The following SLC35F1 variants were observed in gnomAD, a reference collection of about 807,000 sequenced individuals.
SLC35F1 encodes chromosome 6 open reading frame 169.
SLC35F1 carries 14 observed loss-of-function variants against 48.7 expected under a neutral mutation model. The observed-to-expected ratio is 0.29, with a 90% CI of 0.19 to 0.45. SLC35F1 has a LOEUF of 0.45. SLC35F1 is among the 20% of genes least tolerant of loss of function. The pLI, the probability that SLC35F1 is intolerant of heterozygous loss-of-function variation, is 1.00. For synonymous variants in SLC35F1, 190 were observed against 202.2 expected, an observed-to-expected ratio of 0.94 and a Z score of 0.51; for missense variants, 404 against 500.0, an observed-to-expected ratio of 0.81 and a Z score of 1.83.
rs556015055 is a variant in SLC35F1 at position 118,164,502 on chromosome 6, T to G, written c.349+9882T>G. The stretch of plus-strand genomic sequence containing the variant: ...AGTCATTGAGTCACCCTAATGAGTA[T>G]CTATAATTTGTCTGTGCTGTATTTC... On this transcript the variant is annotated intron_variant, in intron 2 of 7. Transcript: ENST00000360388. Among the ~76,000 whole-genome samples the G allele has an allele frequency of 1.1e-4, 17 of 152,322 alleles. No individual in the cohort carries two copies. In the South Asian group the frequency reaches 3.3e-3, roughly 30 times the overall value.
intron 2 of SLC35F1, among the ~76,000 whole-genome samples, chr6:118,159,220 C>CAA (rs60060945): frequency 0.02 from 864 of 43,832 alleles, 151 homozygotes; most frequent in Middle Eastern, 0.026. Flanking sequence ...GACTCTGTCT[C>CAA]AAAAAAAAAA....
chr6:118,015,877 T>C (rs906907634), intron 1 of SLC35F1, among the ~76,000 whole-genome samples: 1 of 152,208 alleles, frequency 6.6e-6, no homozygotes, highest in African/African-American at 2.4e-5. Context: ...GGTAAATCCT[T>C]GTATTTGGCA....
At chr6:118,174,767 C>T (rs1266274472) in intron 2 of SLC35F1, among the ~76,000 whole-genome samples, 1 of 150,634 alleles carries the variant, frequency 6.6e-6, no homozygotes, top group East Asian at 1.9e-4. Context: ...TTCTAAAAAA[C>T]AAAAAGAAAA....
intron 4 of SLC35F1, among the ~76,000 whole-genome samples, chr6:118,270,674 T>C (rs1217057674): frequency 1.3e-5 from 2 of 152,222 alleles, no homozygotes; most frequent in African/African-American, 4.8e-5. Flanking sequence ...CTTGGCTCCA[T>C]GTCAGCAGTA....
At chr6:118,109,473 AT>A (rs1313816599) in intron 1 of SLC35F1, among the ~76,000 whole-genome samples, 1 of 152,176 alleles carries the variant, frequency 6.6e-6, no homozygotes, top group Non-Finnish European at 1.5e-5. Flanking sequence ...ACTTCAGCTG[AT>A]AACTATCTAG....
intron 1 of SLC35F1, among the ~76,000 whole-genome samples, chr6:118,029,113 T>C (rs950932726): frequency 2.8e-4 from 36 of 127,358 alleles, no homozygotes. Flanking sequence ...AGAGGTAGCA[T>C]GTAAACAGAT....
rs202065600 is a variant in SLC35F1, at chr6:118,112,082, C to CTTTCTTTTCTTTTCT, written c.174-42314_174-42300dup. Among the ~76,000 whole-genome samples, 414 of 131,776 alleles carry CTTTCTTTTCTTTTCT rather than the reference C, an allele frequency of 3.1e-3. 5 individuals are homozygous for CTTTCTTTTCTTTTCT. The highest frequency in any genetic ancestry group is 9.6e-3 in the African/African-American group (336 of 34,970). The allele number at this position is 131,776 out of a possible 152,430, so 86.5% of individuals were successfully genotyped here. On this transcript the variant is annotated intron_variant, in intron 1 of 7. Coordinates refer to ENST00000360388, the MANE Select transcript of SLC35F1 (RefSeq NM_001029858.4). ...TTTCTTTCTTTCTTTTTCTTTATTT[C>CTTTCTTTTCTTTTCT]TTTCTTTTCTTTTCTTTTCTTTTCT...
intron 1 of SLC35F1, among the ~76,000 whole-genome samples, chr6:118,023,317 T>G (rs768024014): frequency 6.6e-6 from 1 of 152,008 alleles, no homozygotes; most frequent in Non-Finnish European, 1.5e-5. Context: ...TTCAAGATGG[T>G]GACAACAAAG....
chr6:118,213,924 G>C (rs1253697025), intron 2 of SLC35F1, among the ~76,000 whole-genome samples: 1 of 152,130 alleles, frequency 6.6e-6, no homozygotes, highest in African/African-American at 2.4e-5. Flanking sequence ...ACTTGACATG[G>C]AGTGTTTTAC....
At chr6:118,173,111 A>G (rs1437875469) in intron 2 of SLC35F1, among the ~76,000 whole-genome samples, 2 of 152,108 alleles carry the variant, frequency 1.3e-5, no homozygotes, top group African/African-American at 4.8e-5. Context: ...TACAGATGAG[A>G]CTCAGAGAGG....
In SLC35F1 at chr6:118,048,808, A is replaced by G. The variant is rs184315828; in HGVS notation, c.174-105637A>G. Among the ~76,000 whole-genome samples, 191 of 152,338 alleles carry G rather than the reference A, an allele frequency of 1.3e-3. 4 individuals are homozygous for G. The highest frequency in any genetic ancestry group is 7.3e-5 in the Non-Finnish European group (5 of 68,030). ...ACTGCCCAAGGCAATTTATAGATTC[A>G]ATGCCATCCCCATCAAGCTACCAAT... On this transcript the variant is annotated intron_variant, in intron 1 of 7. Coordinates refer to ENST00000360388, the MANE Select transcript of SLC35F1 (RefSeq NM_001029858.4).
At chr6:118,069,115 A>G (rs9398481) in intron 1 of SLC35F1, among the ~76,000 whole-genome samples, 147,883 of 152,256 alleles carry the variant, frequency 0.97, 71,962 homozygotes, top group East Asian at 1. Context: ...GTGGTTTTTA[A>G]TTATTATTTC....
At chr6:118,313,937 A>C (rs112163302) in intron 7 of SLC35F1, 91 bp from the exon 8 acceptor site, 30 of 1,164,300 alleles carry the variant, frequency 2.6e-5, no homozygotes, top group African/African-American at 1.5e-4. Flanking sequence ...TTCTGAGAAG[A>C]AGCAGCTCTG....
At chr6:117,971,270 A>G (rs914966318) in intron 1 of SLC35F1, among the ~76,000 whole-genome samples, 3 of 152,216 alleles carry the variant, frequency 2.0e-5, no homozygotes, top group Admixed American at 6.5e-5. Flanking sequence ...TCCATGTCTC[A>G]TATCCAGGTC....
At chr6:118,114,045 A>G (rs1478993653) in intron 1 of SLC35F1, among the ~76,000 whole-genome samples, 2 of 152,186 alleles carry the variant, frequency 1.3e-5, no homozygotes, top group Admixed American at 1.3e-4. Flanking sequence ...AACTCAAATA[A>G]AGCCCTTCTA....
chr6:118,056,582 G>A (rs1233956218), intron 1 of SLC35F1, among the ~76,000 whole-genome samples: 2 of 152,184 alleles, frequency 1.3e-5, no homozygotes, highest in African/African-American at 4.8e-5. Flanking sequence ...AGGCCAGACA[G>A]TTCTTCAACT....
At chr6:118,091,866 G>T (rs1015828621) in intron 1 of SLC35F1, among the ~76,000 whole-genome samples, 1 of 152,304 alleles carries the variant, frequency 6.6e-6, no homozygotes, top group Middle Eastern at 3.4e-3. Flanking sequence ...TGAGGAACTT[G>T]TTGGGAACTG....
At chr6:118,243,745 C>G (rs1775469681) in intron 3 of SLC35F1, among the ~76,000 whole-genome samples, 1 of 152,148 alleles carries the variant, frequency 6.6e-6, no homozygotes, top group Non-Finnish European at 1.5e-5. Flanking sequence ...AGAGAGAAAG[C>G]TTGCCTATTT....
At chr6:118,173,375 A>T (rs1376051832) in intron 2 of SLC35F1, among the ~76,000 whole-genome samples, 1 of 149,468 alleles carries the variant, frequency 6.7e-6, no homozygotes, top group Non-Finnish European at 1.5e-5. Flanking sequence ...CCATCATAGA[A>T]AGAGTTAGTT....
Sources: allele counts gnomAD v4.1 joint callset (sites outside exome capture counted in the v4.1 genomes callset), GRCh38; gene constraint gnomAD v4.1.1; transcripts MANE v1.5; gene names NCBI Gene and HGNC (gene_info 2026-07-23, HGNC 2026-07-21).